HHAT: variants seen among roughly 807,000 people sequenced by gnomAD.
HHAT encodes protein-cysteine N-palmitoyltransferase HHAT.
HHAT carries 47 observed loss-of-function variants against 70.8 expected under a neutral mutation model. The ratio of observed to expected loss-of-function variants is 0.66; its 90% CI spans 0.53 to 0.85. The LOEUF is 0.85. HHAT is among the 40% of genes least tolerant of loss of function. The pLI, the probability that HHAT is intolerant of heterozygous loss-of-function variation, is 0.00. For synonymous variants in HHAT, 228 were observed against 247.6 expected (o/e 0.92, Z 0.74); for missense variants, 609 against 604.8 (o/e 1.01, Z -0.07).
chr1:210,350,647 G>A (rs967044752), intron 2 of HHAT, among the ~76,000 whole-genome samples: 1 of 152,206 alleles, frequency 6.6e-6, no homozygotes, highest in Non-Finnish European at 1.5e-5. Context: ...AATTCCAGGA[G>A]TTTTTCTGTC....
At chr1:210,671,436 T>G (rs1327987938) in intron 11 of HHAT, among the ~76,000 whole-genome samples, 4 of 152,194 alleles carry the variant, frequency 2.6e-5, no homozygotes, top group African/African-American at 9.7e-5. Context: ...CTGGCTGTAT[T>G]GAGCTAGTGT....
chr1:210,537,990 C>G (rs1483539650), intron 9 of HHAT, among the ~76,000 whole-genome samples: 23 of 151,208 alleles, frequency 1.5e-4, no homozygotes, highest in Admixed American at 1.5e-3. Flanking sequence ...GTGATTTTGT[C>G]TTCTTGCTAA....
intron 11 of HHAT, among the ~76,000 whole-genome samples, chr1:210,628,986 G>A (rs920627089): frequency 6.6e-6 from 1 of 152,200 alleles, no homozygotes; most frequent in African/African-American, 2.4e-5. Context: ...TTCCCTCTAA[G>A]TGGAGTTTTC....
At chr1:210,416,998 C>T (rs763421831) in intron 6 of HHAT, among the ~76,000 whole-genome samples, 3 of 152,204 alleles carry the variant, frequency 2.0e-5, no homozygotes, top group Non-Finnish European at 2.9e-5. Flanking sequence ...TCCTGATCCT[C>T]TGACTCTAAA....
intron 9 of HHAT, among the ~76,000 whole-genome samples, chr1:210,526,870 A>G (rs974096767): frequency 1.4e-4 from 22 of 152,188 alleles, no homozygotes; most frequent in African/African-American, 5.1e-4. Flanking sequence ...ATATAATATG[A>G]AATATATATT....
At chr1:210,490,328 A>G (rs1477910911) in intron 8 of HHAT, among the ~76,000 whole-genome samples, 2 of 152,246 alleles carry the variant, frequency 1.3e-5, no homozygotes, top group Non-Finnish European at 2.9e-5. Flanking sequence ...TGAGCATCTC[A>G]TACATTTCTG....
intron 10 of HHAT, among the ~76,000 whole-genome samples, chr1:210,611,335 C>A (rs1666543549): frequency 6.6e-6 from 1 of 151,956 alleles, no homozygotes; most frequent in Non-Finnish European, 1.5e-5. Context: ...TATAGGAATG[C>A]TAGGGATTTT....
intron 2 of HHAT, among the ~76,000 whole-genome samples, chr1:210,362,445 T>C (rs956929254): frequency 3.3e-5 from 5 of 152,174 alleles, no homozygotes; most frequent in Admixed American, 3.3e-4. Flanking sequence ...CAGGCTGGTC[T>C]CAAACTCCTG....
At chr1:210,548,206 C>A (rs896628043) in intron 9 of HHAT, among the ~76,000 whole-genome samples, 9 of 152,176 alleles carry the variant, frequency 5.9e-5, no homozygotes, top group African/African-American at 2.2e-4. Context: ...CACCGAAGAA[C>A]ACCTAGGAAA....
At chr1:210,399,607 C>A (rs6685791) in intron 4 of HHAT, among the ~76,000 whole-genome samples, 98,182 of 152,044 alleles carry the variant, frequency 0.65, 32,402 homozygotes, top group African/African-American at 0.78. Flanking sequence ...TATGAGACAC[C>A]AGCATTTGAA....
intron 1 of HHAT, among the ~76,000 whole-genome samples, chr1:210,329,975 G>T (rs1309009469): frequency 6.6e-6 from 1 of 152,160 alleles, no homozygotes; most frequent in African/African-American, 2.4e-5. Context: ...TCGAATTCCT[G>T]ACCTCGGGTG....
At chr1:210,546,347 T>G (rs1309766342) in intron 9 of HHAT, among the ~76,000 whole-genome samples, 2 of 152,188 alleles carry the variant, frequency 1.3e-5, no homozygotes, top group Non-Finnish European at 2.9e-5. Flanking sequence ...GAGGAAGCCA[T>G]GAAACATTTC....
chr1:210,593,125 C>T (rs982041553), intron 10 of HHAT, among the ~76,000 whole-genome samples: 7 of 151,938 alleles, frequency 4.6e-5, no homozygotes, highest in Admixed American at 1.3e-4. Context: ...TGAGAACATG[C>T]GGTGTTTGGA....
At chr1:210,520,596 A>G (rs951587614) in intron 9 of HHAT, among the ~76,000 whole-genome samples, 1 of 152,200 alleles carries the variant, frequency 6.6e-6, no homozygotes, top group Non-Finnish European at 1.5e-5. Flanking sequence ...TTTAAAGCTG[A>G]TAACAACTTA....
At chr1:210,645,368 C>A (rs112240682) in intron 11 of HHAT, among the ~76,000 whole-genome samples, 1 of 152,176 alleles carries the variant, frequency 6.6e-6, no homozygotes, top group Non-Finnish European at 1.5e-5. Context: ...AGCTCTGCCC[C>A]CCGGGTTCAC....
intron 3 of HHAT, among the ~76,000 whole-genome samples, chr1:210,379,893 A>G (rs1204089093): frequency 2.0e-5 from 3 of 152,060 alleles, no homozygotes; most frequent in Non-Finnish European, 4.4e-5. Flanking sequence ...TCAGTAATTG[A>G]TTTTTCGGAG....
At chr1:210,510,221 G>A (rs950187243) in intron 8 of HHAT, among the ~76,000 whole-genome samples, 47 of 152,264 alleles carry the variant, frequency 3.1e-4, no homozygotes, top group African/African-American at 9.9e-4. Flanking sequence ...ATGGGAGAGG[G>A]AATTGGTTTG....
intron 9 of HHAT, among the ~76,000 whole-genome samples, chr1:210,535,051 G>T (rs1488659186): frequency 6.6e-6 from 1 of 152,086 alleles, no homozygotes; most frequent in Non-Finnish European, 1.5e-5. Context: ...CAGGCTTCCT[G>T]ACCAGCCTCT....
intron 9 of HHAT, among the ~76,000 whole-genome samples, chr1:210,581,149 C>A (rs1279010369): frequency 6.6e-6 from 1 of 152,176 alleles, no homozygotes; most frequent in African/African-American, 2.4e-5. Flanking sequence ...TGTTCATATC[C>A]TTTTCCCACT....
Sources: allele counts gnomAD v4.1 joint callset (sites outside exome capture counted in the v4.1 genomes callset), GRCh38; gene constraint gnomAD v4.1.1; transcripts MANE v1.5; gene names NCBI Gene and HGNC (gene_info 2026-07-23, HGNC 2026-07-21).